KBTBD11: variants seen among roughly 807,000 people sequenced by gnomAD.
KBTBD11 encodes the protein kelch repeat and BTB domain containing 11, also known as kelch repeat and BTB domain-containing protein 11.
For synonymous variants in KBTBD11, 747 were observed against 499.0 expected, an observed-to-expected ratio of 1.50 and a Z score of -6.63; for missense variants, 1,390 against 1,001.8, an observed-to-expected ratio of 1.39 and a Z score of -5.23.
In KBTBD11 at chr8:2,003,014, G is replaced by T. The variant is rs1198193963; in HGVS notation, c.1822G>T (p.Ala608Ser). The T allele has an allele frequency of 3.9e-6, 5 of 1,281,170 alleles. No individual in the cohort carries two copies. The highest frequency in any genetic ancestry group is 1.5e-5 in the African/African-American group (1 of 64,670). 79.4% of individuals were successfully genotyped at this position (1,281,170 alleles called of 1,614,324 possible). The change falls in exon 2 of 2, where the codon GCT becomes TCT. Residue 608 changes from alanine to serine, a missense_variant. Transcript: ENST00000320248. Reference sequence around the variant, plus strand: ...CGTCCGGGGTGTGCTCATCCCGTTCGCTCTCAGCCTGCCTGAGAAGCCGCC... The same window carrying T: ...CGTCCGGGGTGTGCTCATCCCGTTCTCTCTCAGCCTGCCTGAGAAGCCGCC... The part of the protein sequence containing the change: ...LDVRGVLIPF[A>S]LSLPEKPPRG...
intron 1 of KBTBD11, among the ~76,000 whole-genome samples, chr8:1,984,409 C>T (rs1816644200): frequency 6.6e-6 from 1 of 151,138 alleles, no homozygotes; most frequent in Non-Finnish European, 1.5e-5. Flanking sequence ...CTGCCTCAGC[C>T]TCCCAAGTAG....
At chr8:1,983,784 G>A (rs551969407) in intron 1 of KBTBD11, among the ~76,000 whole-genome samples, 342 of 152,364 alleles carry the variant, frequency 2.2e-3, no homozygotes, top group African/African-American at 7.8e-3. Context: ...TTGGATGCAG[G>A]AATTGCTTTT....
At chr8:1,986,860 A>T (rs1816720543) in intron 1 of KBTBD11, among the ~76,000 whole-genome samples, 1 of 152,098 alleles carries the variant, frequency 6.6e-6, no homozygotes, top group African/African-American at 2.4e-5. Context: ...GGCTTCAAAT[A>T]TTTTTTGTTT....
chr8:2,002,103 C>T lies in KBTBD11; in HGVS notation c.911C>T (p.Ala304Val), dbSNP rs1036904042. 2.1e-5 allele frequency: 23 copies of T among 1,090,772 alleles called. No individual in the cohort carries two copies. In the South Asian group the frequency reaches 4.8e-4, roughly 23 times the overall value. The allele number at this position is 1,090,772 out of a possible 1,614,324, so 67.6% of individuals were successfully genotyped here. A position where few individuals can be genotyped will look rare whatever the true frequency, so the allele number is the denominator to read the frequency against. ...CTCTTGGCCGCGGCGCTCGGGCCGG[C>T]GGGGGAGCGCGCGGGCAGCCGGCCT... is the stretch of plus-strand genomic sequence containing the variant. ...AHLLAAALGP[A>V]GERAGSRPQS... Residue 304 changes from alanine to valine, a missense_variant, in exon 2 of 2, where the codon GCG (alanine) becomes GTG (valine). Physicochemically the swap from Ala to Val is moderately conservative, Grantham distance 64 (BLOSUM62 0). Coordinates refer to ENST00000320248, the MANE Select transcript of KBTBD11 (RefSeq NM_014867.3). The surrounding 1 kb of genome is among the most constrained non-coding windows in gnomAD (Gnocchi z 4.1).
intron 1 of KBTBD11, among the ~76,000 whole-genome samples, chr8:1,987,316 A>G (rs1816737359): frequency 6.6e-6 from 1 of 152,230 alleles, no homozygotes; most frequent in Admixed American, 6.5e-5. Context: ...TCACGTTGAG[A>G]CATGCAGATC....
intron 1 of KBTBD11, among the ~76,000 whole-genome samples, chr8:1,978,902 G>A (rs925832558): frequency 4.6e-5 from 7 of 152,184 alleles, no homozygotes; most frequent in Non-Finnish European, 8.8e-5. Context: ...TGCCTCCCTG[G>A]GTTCCAGTCC....
At position 1,994,146 on chromosome 8, in the gene KBTBD11, CA is replaced by C. The variant is rs973577328; in HGVS notation, c.-908-6137del. Reference sequence around the variant, plus strand: ...TAAAAGCTCTTCTTCAGGAAATTCCCAATAATTTTACTTCTTCCAATTAAGT... The same window carrying C: ...TAAAAGCTCTTCTTCAGGAAATTCCCATAATTTTACTTCTTCCAATTAAGT... On this transcript the variant is annotated intron_variant, in intron 1 of 1. Coordinates refer to ENST00000320248, the MANE Select transcript of KBTBD11 (RefSeq NM_014867.3). 2.0e-4 allele frequency among the ~76,000 whole-genome samples: 30 copies of C among 152,254 alleles called. 1 individual carries two copies. The highest frequency in any genetic ancestry group is 6.5e-4 in the African/African-American group (27 of 41,504).
Position 2,000,794 on chromosome 8 carries a change from CAG to C in KBTBD11, c.-391_-390del, listed in dbSNP as rs774232373. The C allele has an allele frequency of 1.5e-3, 285 of 188,526 alleles. 2 individuals carry two copies. Among genetic ancestry groups the C allele is most frequent in the Non-Finnish European group, 1.6e-3 (149 of 91,862 alleles). 11.7% of individuals were successfully genotyped at this position (188,526 alleles called of 1,614,324 possible). On this transcript the variant is annotated 5_prime_UTR_variant, in exon 2 of 2. Transcript: ENST00000320248. ...GAGGGATAGCTAGTCACTCAGGCTG[CAG>C]AGAGAGACACCTGGTCACCCAGGCT... is the stretch of plus-strand genomic sequence containing the variant.
At chr8:1,996,815 G>C (rs751203596) in intron 1 of KBTBD11, among the ~76,000 whole-genome samples, 1 of 152,052 alleles carries the variant, frequency 6.6e-6, no homozygotes, top group Admixed American at 6.6e-5. Flanking sequence ...TAATCGTAAA[G>C]AAATGTATAG....
In KBTBD11 at chr8:1,976,899, G is replaced by C. The variant is rs549255273; in HGVS notation, c.-909+2964G>C. On this transcript the variant is annotated intron_variant, in intron 1 of 1. Transcript: ENST00000320248. ...GACTAGAGCACGGAGAGGTCAGTGA[G>C]GGGCGCTGGAGCAGGGTGTAGTAAA... Among the ~76,000 whole-genome samples, 15 of 152,260 alleles carry C rather than the reference G, an allele frequency of 9.9e-5. No homozygotes were observed. The South Asian group carries it at 1.7e-3, about 17-fold the overall frequency.
chr8:1,973,990 A>C, intron 1 of KBTBD11, 55 bp downstream of exon 1: 2 of 929,462 alleles, frequency 2.2e-6, no homozygotes, highest in Non-Finnish European at 2.6e-6. Flanking sequence ...AGCGGGAAGC[A>C]GCCCGAGGCG....
rs771557506 is a variant in KBTBD11 at position 2,002,593 on chromosome 8, C to T, written c.1401C>T (p.Phe467=). The part of the protein sequence containing the change: ...GEIYVSGGSL[F]YRLLKYDPRR... ...TCTACGTGTCCGGGGGCTCCCTCTT[C>T]TATCGCCTGCTCAAGTATGACCCGC... Residue 467 remains phenylalanine (F), a synonymous_variant, in exon 2 of 2, where the codon TTC becomes TTT. Transcript: ENST00000320248. The surrounding 1 kb of genome is among the most constrained non-coding windows in gnomAD (Gnocchi z 4.1). 1.3e-5 allele frequency: 20 copies of T among 1,585,064 alleles called. No homozygotes were observed. The highest frequency in any genetic ancestry group is 1.6e-5 in the Non-Finnish European group (19 of 1,174,486).
At position 2,002,835 on chromosome 8, in the gene KBTBD11, C is replaced by G. The variant is rs769586496; in HGVS notation, c.1643C>G (p.Thr548Arg). Residue 548 changes from threonine to arginine, a missense_variant, in exon 2 of 2, where the codon ACG becomes AGG. Physicochemically the swap from Thr to Arg is moderately conservative, Grantham distance 71. Transcript: ENST00000320248. The surrounding 1 kb of genome is among the most constrained non-coding windows in gnomAD (Gnocchi z 4.1). ...CCCCTGCGCCTCCCCGGCGGCCCCACGGGCCTGCAGCCCTTCCGCTGCGCC... is the reference window on the plus strand; with the variant it reads ...CCCCTGCGCCTCCCCGGCGGCCCCAGGGGCCTGCAGCCCTTCCGCTGCGCC... Reference protein sequence around the residue: ...VAPLRLPGGPTGLQPFRCAAL... With the variant: ...VAPLRLPGGPRGLQPFRCAAL... 1 of 1,422,820 alleles carries G rather than the reference C, an allele frequency of 7.0e-7. No individual in the cohort carries two copies. The highest frequency in any genetic ancestry group is 9.1e-7 in the Non-Finnish European group (1 of 1,097,962). 88.1% of individuals were successfully genotyped at this position (1,422,820 alleles called of 1,614,324 possible). A position where few individuals can be genotyped will look rare whatever the true frequency, so the allele number is the denominator to read the frequency against.
Position 2,002,346 on chromosome 8 carries a change from A to T in KBTBD11, c.1154A>T (p.Tyr385Phe). ...RARPSDQVFC[Y>F]NPATDSWSAV... is the part of the protein sequence containing the mutation. Reference sequence around the variant, plus strand: ...CGCCCGTCCGACCAGGTCTTCTGCTACAACCCGGCCACGGACAGCTGGAGC... The same window carrying T: ...CGCCCGTCCGACCAGGTCTTCTGCTTCAACCCGGCCACGGACAGCTGGAGC... Residue 385 changes from tyrosine (Y) to phenylalanine (F), a missense_variant, in exon 2 of 2, where the codon TAC (tyrosine) becomes TTC (phenylalanine). Transcript: ENST00000320248. This position sits in a 1 kb window ranked among gnomAD's most constrained non-coding sequence, Gnocchi z 4.1. 6.8e-7 allele frequency: 1 copy of T among 1,463,570 alleles called. No individual in the cohort carries two copies. Among genetic ancestry groups the T allele is most frequent in the South Asian group, 1.3e-5 (1 of 78,102 alleles). The allele number at this position is 1,463,570 out of a possible 1,614,324, so 90.7% of individuals were successfully genotyped here. A position where few individuals can be genotyped will look rare whatever the true frequency, so the allele number is the denominator to read the frequency against.
In KBTBD11 at chr8:1,977,222, G is replaced by T. The variant is rs76893289; in HGVS notation, c.-909+3287G>T. Reference sequence around the variant, plus strand: ...TTAGAGCTTGACTGAGTTTCATATGGATTAATTTTGTAGCATGGAGACTTC... The same window carrying T: ...TTAGAGCTTGACTGAGTTTCATATGTATTAATTTTGTAGCATGGAGACTTC... On this transcript the variant is annotated intron_variant, in intron 1 of 1. Coordinates refer to ENST00000320248, the MANE Select transcript of KBTBD11 (RefSeq NM_014867.3). Among the ~76,000 whole-genome samples the T allele has an allele frequency of 3.0e-4, 46 of 152,224 alleles. 1 individual carries two copies. The East Asian group carries it at 7.2e-3, about 24-fold the overall frequency.
Position 2,002,950 on chromosome 8 carries a change from C to T in KBTBD11, c.1758C>T (p.Gly586=). ...AAGGCGAGGCCGGCGGCGACGCAGGCCAGGGCGGCGGCTTCGAGGCGCTGG... is the reference window on the plus strand; with the variant it reads ...AAGGCGAGGCCGGCGGCGACGCAGGTCAGGGCGGCGGCTTCGAGGCGCTGG... ...AREGEAGGDA[G]QGGGFEALGA... Residue 586 remains glycine, a synonymous_variant, in exon 2 of 2, where the codon GGC becomes GGT. Coordinates refer to ENST00000320248, the MANE Select transcript of KBTBD11 (RefSeq NM_014867.3). The surrounding 1 kb of genome is among the most constrained non-coding windows in gnomAD (Gnocchi z 4.1). 2 of 1,320,102 alleles carry T rather than the reference C, an allele frequency of 1.5e-6. No homozygotes were observed. The highest frequency in any genetic ancestry group is 2.0e-5 in the South Asian group (1 of 49,494). 81.8% of individuals were successfully genotyped at this position (1,320,102 alleles called of 1,614,324 possible).
intron 1 of KBTBD11, among the ~76,000 whole-genome samples, chr8:1,994,796 C>T (rs533551020): frequency 2.0e-5 from 3 of 152,064 alleles, no homozygotes; most frequent in African/African-American, 4.8e-5. Context: ...TGGTGGCTGA[C>T]GCCTGTAATC....
At chr8:1,992,668 T>A (rs1322273742) in intron 1 of KBTBD11, among the ~76,000 whole-genome samples, 2 of 152,084 alleles carry the variant, frequency 1.3e-5, no homozygotes, top group Non-Finnish European at 2.9e-5. Context: ...TTCTATATCT[T>A]AAGACTTTTT....
chr8:1,977,017 T>C (rs1816370105), intron 1 of KBTBD11, among the ~76,000 whole-genome samples: 1 of 152,138 alleles, frequency 6.6e-6, no homozygotes, highest in Admixed American at 6.5e-5. Context: ...ACGAGCCACA[T>C]GTGGCCCAGG....
Sources: allele counts gnomAD v4.1 joint callset (sites outside exome capture counted in the v4.1 genomes callset), GRCh38; gene constraint gnomAD v4.1.1; non-coding constraint Gnocchi (gnomAD v3.1); transcripts MANE v1.5; gene names NCBI Gene and HGNC (gene_info 2026-07-23, HGNC 2026-07-21).